Variants in PTPRA observed in about 807,000 individuals in gnomAD.
PTPRA encodes receptor-type tyrosine-protein phosphatase alpha.
Under a neutral mutation model 104.8 loss-of-function variants are expected in PTPRA, and 25 were observed. That is an observed-to-expected ratio of 0.24 (90% CI 0.17 to 0.33). The LOEUF is 0.33. Ranked by LOEUF, PTPRA falls within the 10% of genes least tolerant of loss-of-function variation. PTPRA has a pLI of 1.00. For synonymous variants in PTPRA, 323 were observed against 368.9 expected (o/e 0.88, Z 1.43); for missense variants, 765 against 1,015.3 (o/e 0.75, Z 3.35).
At chr20:2,890,580 A>G (rs867802815) in intron 1 of PTPRA, among the ~76,000 whole-genome samples, 1 of 152,208 alleles carries the variant, frequency 6.6e-6, no homozygotes, top group African/African-American at 2.4e-5. Flanking sequence ...ACAGTGTAGC[A>G]TTATTTGAAT....
At position 2,986,792 on chromosome 20, in the gene PTPRA, T is replaced by C. The variant is rs2062929250; in HGVS notation, c.470T>C (p.Val157Ala). 6.2e-7 allele frequency: 1 copy of C among 1,613,188 alleles called. No homozygotes were observed. Among genetic ancestry groups the C allele is most frequent in the African/African-American group, 1.3e-5 (1 of 74,922 alleles). Reference protein sequence around the residue: ...RDETPIIAVMVALSSLLVIVF... With the variant: ...RDETPIIAVMAALSSLLVIVF... ...GAGACACCAATTATTGCGGTGATGGTGGCCCTGTCCTCTCTGCTAGTGATC... is the reference window on the plus strand; with the variant it reads ...GAGACACCAATTATTGCGGTGATGGCGGCCCTGTCCTCTCTGCTAGTGATC... The change falls in exon 7 of 24, where the codon GTG becomes GCG. Residue 157 changes from valine to alanine, a missense_variant. Around this residue, in one of 4 missense-constraint regions of PTPRA, gnomAD observed 256 missense variants for 248.9 expected, o/e 1.03. Coordinates refer to ENST00000399903, the MANE Select transcript of PTPRA (RefSeq NM_001385305.1).
At chr20:2,973,629 C>T (rs139284475) in intron 5 of PTPRA, among the ~76,000 whole-genome samples, 1 of 152,254 alleles carries the variant, frequency 6.6e-6, no homozygotes, top group Non-Finnish European at 1.5e-5. Flanking sequence ...CCATTGGGTT[C>T]TAGTTCCAAC....
intron 11 of PTPRA, among the ~76,000 whole-genome samples, chr20:3,008,735 A>G (rs906852972): frequency 8.2e-6 from 1 of 121,672 alleles, no homozygotes; most frequent in Non-Finnish European, 1.6e-5. Flanking sequence ...TACTAAAAAA[A>G]AAAAAAAAAC....
chr20:2,871,521 A>G (rs2146701472), upstream of PTPRA, among the ~76,000 whole-genome samples: 1 of 152,370 alleles, frequency 6.6e-6, no homozygotes, highest in South Asian at 2.1e-4. Context: ...AGTAAAAAAA[A>G]ACTAATCAAC....
chr20:2,926,769 CTTTTT>C (rs777386962), intron 2 of PTPRA, among the ~76,000 whole-genome samples: 876 of 85,016 alleles, frequency 0.01, no homozygotes, highest in Admixed American at 0.014. Flanking sequence ...TTTCCTTTTC[CTTTTT>C]TTTTTTTTTT....
intron 1 of PTPRA, among the ~76,000 whole-genome samples, chr20:2,920,305 G>A (rs1178664772): frequency 6.6e-6 from 1 of 152,174 alleles, no homozygotes; most frequent in East Asian, 1.9e-4. Flanking sequence ...GGGAGGAAAG[G>A]AGGAGATCAA....
At chr20:2,956,972 C>T (rs1010614661) in intron 3 of PTPRA, among the ~76,000 whole-genome samples, 2 of 152,128 alleles carry the variant, frequency 1.3e-5, no homozygotes, top group East Asian at 1.9e-4. Flanking sequence ...TTTTTATGTT[C>T]GCCAGTGTGA....
intron 9 of PTPRA, among the ~76,000 whole-genome samples, chr20:3,001,227 C>T (rs184923925): frequency 4.9e-4 from 74 of 152,350 alleles, no homozygotes; most frequent in Middle Eastern, 3.4e-3. Context: ...TCATCCGTGA[C>T]GCAGGCTCTT....
intron 2 of PTPRA, among the ~76,000 whole-genome samples, chr20:2,932,325 T>G (rs1255555279): frequency 1.3e-5 from 2 of 151,904 alleles, no homozygotes; most frequent in African/African-American, 4.8e-5. Context: ...TAAGTAGAGG[T>G]GGAAAGTGAG....
chr20:2,952,565 A>T (rs553268948), intron 3 of PTPRA, among the ~76,000 whole-genome samples: 1 of 152,194 alleles, frequency 6.6e-6, no homozygotes, highest in Non-Finnish European at 1.5e-5. Context: ...AAATATACAC[A>T]TAATACAAAA....
intron 1 of PTPRA, among the ~76,000 whole-genome samples, chr20:2,876,815 A>G (rs1369952357): frequency 6.6e-6 from 1 of 152,172 alleles, no homozygotes; most frequent in African/African-American, 2.4e-5. Context: ...GTATAGCTGG[A>G]TAGATGATCT....
chr20:2,907,148 T>C (rs1033490056), intron 1 of PTPRA, among the ~76,000 whole-genome samples: 1 of 152,232 alleles, frequency 6.6e-6, no homozygotes, highest in Non-Finnish European at 1.5e-5. Context: ...AACAACAGTT[T>C]AAGTTTCATA....
intron 6 of PTPRA, among the ~76,000 whole-genome samples, chr20:2,980,511 G>A (rs910807681): frequency 6.6e-6 from 1 of 151,882 alleles, no homozygotes; most frequent in Non-Finnish European, 1.5e-5. Context: ...GATCACGCCA[G>A]TGCACTTCAG....
intron 1 of PTPRA, among the ~76,000 whole-genome samples, chr20:2,875,665 T>C: frequency 6.6e-6 from 1 of 152,234 alleles, no homozygotes; most frequent in East Asian, 1.9e-4. Flanking sequence ...TGTGACAAGC[T>C]ATGTAATGTT....
At chr20:2,875,568 C>CA (rs891920931) in intron 1 of PTPRA, among the ~76,000 whole-genome samples, 3 of 152,148 alleles carry the variant, frequency 2.0e-5, no homozygotes, top group African/African-American at 4.8e-5. Flanking sequence ...TTGAGGAACT[C>CA]AGAGTCTAAT....
intron 11 of PTPRA, among the ~76,000 whole-genome samples, chr20:3,011,961 A>G (rs893288075): frequency 1.3e-5 from 2 of 152,228 alleles, no homozygotes; most frequent in Non-Finnish European, 2.9e-5. Flanking sequence ...TTTCTAGCAC[A>G]GTCGTTATCT....
chr20:2,915,961 G>A (rs996413073), intron 1 of PTPRA, among the ~76,000 whole-genome samples: 7 of 152,178 alleles, frequency 4.6e-5, no homozygotes, highest in East Asian at 1.9e-4. Flanking sequence ...GCCACAGAGC[G>A]AAACTATGTT....
intron 11 of PTPRA, among the ~76,000 whole-genome samples, chr20:3,009,550 C>T (rs1024007671): frequency 6.6e-6 from 1 of 152,072 alleles, no homozygotes; most frequent in Non-Finnish European, 1.5e-5. Context: ...TGGGGCAGTC[C>T]GGGCATTCTC....
intron 13 of PTPRA, 137 bp from the exon 14 acceptor site, chr20:3,021,168 AACTG>A: frequency 8.7e-7 from 1 of 1,153,834 alleles, no homozygotes. Flanking sequence ...GTAAGTGTGC[AACTG>A]ACTGAGATAG....
Sources: gnomAD v4.1 joint callset for allele counts (sites outside exome capture counted in the v4.1 genomes callset) on GRCh38, gnomAD v4.1.1 for gene constraint, gnomAD v4.1.1 regional missense constraint, MANE v1.5 for transcripts, NCBI Gene and HGNC (gene_info 2026-07-23, HGNC 2026-07-21) for gene names.